Variants in PI4KA observed in about 807,000 individuals in gnomAD.
PI4KA encodes PI4-kinase alpha.
Under a neutral mutation model 271.4 loss-of-function variants are expected in PI4KA, and 122 were observed. That is an observed-to-expected ratio of 0.45 (90% CI 0.39 to 0.52). The LOEUF (loss-of-function observed/expected upper bound fraction) is 0.52, where lower values mean the gene tolerates loss of function less well. Among genes scored for constraint, PI4KA ranks in the 20% least tolerant of loss-of-function variants. The pLI, the probability that PI4KA is intolerant of heterozygous loss-of-function variation, is 0.00. For missense variants in PI4KA, 1,969 were observed against 2,769.1 expected (o/e 0.71, Z 6.48); for synonymous variants, 1,041 against 1,078.8 (o/e 0.96, Z 0.69).
chr22:20,746,085 T>C (rs1297821992), intron 29 of PI4KA, among the ~76,000 whole-genome samples: 2 of 111,356 alleles, frequency 1.8e-5, no homozygotes, highest in Admixed American at 1.1e-4. Flanking sequence ...TTTTTTGAGA[T>C]GGAGTCTTGC....
chr22:20,848,913 A>C (rs1265881547), intron 1 of PI4KA, among the ~76,000 whole-genome samples: 2 of 152,220 alleles, frequency 1.3e-5, no homozygotes, highest in Admixed American at 6.5e-5. Flanking sequence ...ACAGAATGGG[A>C]GAAAATATTT....
intron 19 of PI4KA, among the ~76,000 whole-genome samples, chr22:20,767,322 T>C (rs1032057593): frequency 6.6e-6 from 1 of 151,868 alleles, no homozygotes; most frequent in East Asian, 1.9e-4. Context: ...CAGGCGCCTA[T>C]AGTCCCAGCT....
intron 7 of PI4KA, among the ~76,000 whole-genome samples, chr22:20,816,740 G>A (rs1203475444): frequency 1.3e-5 from 2 of 152,238 alleles, no homozygotes; most frequent in African/African-American, 4.8e-5. Flanking sequence ...AGCAGGGCTC[G>A]CTTGTCTCGT....
At chr22:20,837,070 G>T (rs1304165452) in intron 2 of PI4KA, among the ~76,000 whole-genome samples, 3 of 151,970 alleles carry the variant, frequency 2.0e-5, no homozygotes, top group Admixed American at 6.6e-5. Context: ...AAAAAAAAAT[G>T]GTTTTCTTTC....
At chr22:20,751,874 G>A (rs1601406908) in intron 25 of PI4KA, 119 bp from the exon 26 acceptor site, 4 of 811,116 alleles carry the variant, frequency 4.9e-6, no homozygotes, top group East Asian at 5.3e-5. Flanking sequence ...TGAAGGAGGA[G>A]GTCGGGAGGC....
intron 19 of PI4KA, chr22:20,784,394 C>A: frequency 1.8e-6 from 2 of 1,097,514 alleles, no homozygotes; most frequent in Middle Eastern, 2.9e-4. Context: ...AATTCAGCCC[C>A]AATTTGTTGC....
chr22:20,838,424 C>A (rs1569089601), intron 2 of PI4KA, among the ~76,000 whole-genome samples, 191 bp downstream of exon 2: 1 of 152,138 alleles, frequency 6.6e-6, no homozygotes, highest in South Asian at 2.1e-4. Flanking sequence ...CTAAAAAACT[C>A]AAATTTTCTA....
At chr22:20,757,403 G>C (rs546616190) in intron 23 of PI4KA, among the ~76,000 whole-genome samples, 2 of 152,084 alleles carry the variant, frequency 1.3e-5, no homozygotes, top group African/African-American at 4.8e-5. Flanking sequence ...TCAGTCCCCC[G>C]GAACAATTTA....
intron 7 of PI4KA, among the ~76,000 whole-genome samples, chr22:20,815,257 T>G (rs1921623240): frequency 6.6e-6 from 1 of 151,398 alleles, no homozygotes; most frequent in African/African-American, 2.4e-5. Context: ...GGCACGTGCC[T>G]GTAATCCCAG....
chr22:20,785,919 C>A, intron 19 of PI4KA: 1 of 1,559,594 alleles, frequency 6.4e-7, no homozygotes, highest in East Asian at 2.2e-5. Context: ...ATAAATATAA[C>A]CCGTGGCCCT....
At chr22:20,799,384 T>G (rs1370925870) in intron 15 of PI4KA, 108 bp from the exon 16 acceptor site, 2 of 1,077,714 alleles carry the variant, frequency 1.9e-6, no homozygotes, top group South Asian at 1.7e-5. Flanking sequence ...ACAGTCTTGA[T>G]GCAGTGTTCA....
chr22:20,852,265 CACAG>C (rs1927075172), intron 1 of PI4KA, among the ~76,000 whole-genome samples: 2 of 152,188 alleles, frequency 1.3e-5, no homozygotes, highest in African/African-American at 4.8e-5. Flanking sequence ...AAACTGCAAA[CACAG>C]ACAGCAGAAA....
intron 42 of PI4KA, among the ~76,000 whole-genome samples, chr22:20,722,811 C>A (rs961171258): frequency 2.6e-5 from 4 of 152,152 alleles, no homozygotes; most frequent in Non-Finnish European, 4.4e-5. Context: ...ACCACACAGG[C>A]AGAAGTCTTC....
At chr22:20,782,646 A>G (rs567716278) in intron 19 of PI4KA, among the ~76,000 whole-genome samples, 1 of 152,186 alleles carries the variant, frequency 6.6e-6, no homozygotes, top group Non-Finnish European at 1.5e-5. Context: ...CGTGATTCCC[A>G]AAAGAGCAAT....
rs376459523 is a variant in PI4KA at position 20,750,386 on chromosome 22, G to A, written c.3154-392C>T. On this transcript the variant is annotated intron_variant, in intron 27 of 54. Transcript: ENST00000255882. ...TGCCAACACTTTGATTTTACACTTCGGCCCTCAGAACTGTAAGACAATCAA... is the reference window on the plus strand; with the variant it reads ...TGCCAACACTTTGATTTTACACTTCAGCCCTCAGAACTGTAAGACAATCAA... Among the ~76,000 whole-genome samples, 367 of 152,228 alleles carry A rather than the reference G, an allele frequency of 2.4e-3. 16 individuals carry two copies. In the South Asian group the frequency reaches 0.073, roughly 30 times the overall value.
chr22:20,831,035 A>T (rs1033597161), intron 3 of PI4KA, among the ~76,000 whole-genome samples: 1 of 152,086 alleles, frequency 6.6e-6, no homozygotes, highest in African/African-American at 2.4e-5. Flanking sequence ...AGACTCCCAA[A>T]GTGCTGGGAT....
rs1935364218 is a variant in PI4KA at position 20,802,029 on chromosome 22, C to T, written c.1668G>A (p.Lys556=). ...ESTLNVMSGK[K]SQPSMYEQLR... ...GCTGCTCGTACATGGAGGGCTGGCT[C>T]TTCTTACCCGACATGACGTTCAGGG... The change falls in exon 14 of 55, where the codon AAG becomes AAA. Residue 556 remains lysine (K), a synonymous_variant. Transcript: ENST00000255882. 1 of 1,614,018 alleles carries T rather than the reference C, an allele frequency of 6.2e-7. No individual in the cohort carries two copies. The highest frequency in any genetic ancestry group is 1.3e-5 in the African/African-American group (1 of 74,918).
chr22:20,819,968 A>T, intron 5 of PI4KA, 68 bp from the exon 6 acceptor site: 1 of 1,335,346 alleles, frequency 7.5e-7, no homozygotes, highest in South Asian at 1.3e-5. Context: ...GTAAGTACTA[A>T]CTTGTAACAT....
At position 20,781,761 on chromosome 22, in the gene PI4KA, G is replaced by A. The variant is rs568009433; in HGVS notation, c.2328+11432C>T. 2.0e-5 allele frequency among the ~76,000 whole-genome samples: 3 copies of A among 152,334 alleles called. No homozygotes were observed. The East Asian group carries it at 5.8e-4, about 29-fold the overall frequency. On this transcript the variant is annotated intron_variant, in intron 19 of 54. Coordinates refer to ENST00000255882, the MANE Select transcript of PI4KA (RefSeq NM_058004.4). ...GAACACACATATCCTTTTCATTACA[G>A]GTTATTAGTACAAGTTTTGGAATTG...
Sources: gnomAD v4.1 joint callset for allele counts (sites outside exome capture counted in the v4.1 genomes callset) on GRCh38, gnomAD v4.1.1 for gene constraint, MANE v1.5 for transcripts, NCBI Gene and HGNC (gene_info 2026-07-23, HGNC 2026-07-21) for gene names.